The following GTF2F2 variants were observed in gnomAD, a reference collection of about 807,000 sequenced individuals.
GTF2F2 encodes general transcription factor IIF subunit 2, also known as ATP-dependent helicase GTF2F2.
Under a neutral mutation model 42.2 loss-of-function variants are expected in GTF2F2, and 23 were observed. The ratio of observed to expected loss-of-function variants is 0.55; its 90% CI spans 0.39 to 0.77. GTF2F2 has a LOEUF of 0.77. GTF2F2 is among the 30% of genes least tolerant of loss of function. The pLI is 0.00. For synonymous variants in GTF2F2, 105 were observed against 100.8 expected (o/e 1.04, Z -0.25); for missense variants, 261 against 287.2 (o/e 0.91, Z 0.66).
chr13:45,227,095 G>A (rs115098293), intron 5 of GTF2F2, among the ~76,000 whole-genome samples: 1,808 of 152,096 alleles, frequency 0.012, 31 homozygotes, highest in African/African-American at 0.037. Context: ...GTGAGACCTT[G>A]TCTCAAAAAT....
At chr13:45,182,451 A>G (rs1403829662) in intron 4 of GTF2F2, among the ~76,000 whole-genome samples, 1 of 152,112 alleles carries the variant, frequency 6.6e-6, no homozygotes, top group Admixed American at 6.5e-5. Context: ...AATAGCGTTC[A>G]AGATGCTTTG....
chr13:45,261,551 A>G lies in GTF2F2; in HGVS notation c.487-5682A>G, dbSNP rs79701902. On this transcript the variant is annotated intron_variant, in intron 6 of 7. Coordinates refer to ENST00000340473, the MANE Select transcript of GTF2F2 (RefSeq NM_004128.3). ...TTTCTGAATTGACATTTATTTCTAT[A>G]TAGTCAGTTGCGCAGTGATCTGTGA... is the stretch of plus-strand genomic sequence containing the variant. Among the ~76,000 whole-genome samples, 910 of 152,226 alleles carry G rather than the reference A, an allele frequency of 6.0e-3. 11 individuals carry two copies. The highest frequency in any genetic ancestry group is 0.021 in the African/African-American group (871 of 41,530).
In GTF2F2 at chr13:45,182,693, T is replaced by C. The variant is rs547217260; in HGVS notation, c.305-24731T>C. ...TTTCTTAGATGGTCCCATGGAAGAA[T>C]TTTTAGTTCATTTTTAGAAATCATT... On this transcript the variant is annotated intron_variant, in intron 4 of 7. Coordinates refer to ENST00000340473, the MANE Select transcript of GTF2F2 (RefSeq NM_004128.3). 5.1e-4 allele frequency among the ~76,000 whole-genome samples: 77 copies of C among 152,248 alleles called. 2 individuals are homozygous for C. Among genetic ancestry groups the C allele is most frequent in the African/African-American group, 1.8e-3 (76 of 41,506 alleles).
chr13:45,230,655 T>C (rs913560050), intron 5 of GTF2F2, among the ~76,000 whole-genome samples: 1 of 152,222 alleles, frequency 6.6e-6, no homozygotes, highest in African/African-American at 2.4e-5. Flanking sequence ...ATATTGTCCA[T>C]TTTGAGATAA....
chr13:45,262,203 C>T (rs1876370559), intron 6 of GTF2F2, among the ~76,000 whole-genome samples: 2 of 152,082 alleles, frequency 1.3e-5, no homozygotes. Flanking sequence ...CAGACCCTAT[C>T]TCTTCAAAAA....
intron 4 of GTF2F2, among the ~76,000 whole-genome samples, chr13:45,185,723 T>A (rs1045131404): frequency 7.2e-5 from 11 of 152,234 alleles, no homozygotes; most frequent in African/African-American, 2.7e-4. Context: ...TTTTATCAAT[T>A]AAAGATTGTT....
chr13:45,160,013 G>A (rs1291900025), intron 4 of GTF2F2, among the ~76,000 whole-genome samples: 1 of 152,166 alleles, frequency 6.6e-6, no homozygotes, highest in Non-Finnish European at 1.5e-5. Context: ...TGCATATGCA[G>A]TGGGACTTTC....
chr13:45,153,186 T>G (rs1346268308), intron 4 of GTF2F2, among the ~76,000 whole-genome samples: 1 of 151,378 alleles, frequency 6.6e-6, no homozygotes, highest in Non-Finnish European at 1.5e-5. Flanking sequence ...ATTTTTTTTT[T>G]TTTTTGTATT....
intron 2 of GTF2F2, among the ~76,000 whole-genome samples, chr13:45,144,493 C>CTCAGTCA (rs1323483233): frequency 8.7e-5 from 10 of 115,242 alleles, no homozygotes; most frequent in African/African-American, 3.4e-4. Flanking sequence ...CAGAGTCTCA[C>CTCAGTCA]TCAGTCACCC....
At chr13:45,143,303 T>G (rs1259835385) in intron 2 of GTF2F2, among the ~76,000 whole-genome samples, 5 of 152,162 alleles carry the variant, frequency 3.3e-5, no homozygotes, top group Admixed American at 3.3e-4. Flanking sequence ...GGGTACAAAA[T>G]GAAAACAACT....
intron 4 of GTF2F2, among the ~76,000 whole-genome samples, chr13:45,188,867 A>G (rs1029432371): frequency 1.3e-5 from 2 of 152,118 alleles, no homozygotes; most frequent in East Asian, 1.9e-4. Flanking sequence ...ACCAGCAGAC[A>G]AATTTGTGAT....
intron 6 of GTF2F2, among the ~76,000 whole-genome samples, chr13:45,254,843 G>GA (rs1324795804): frequency 6.6e-6 from 1 of 152,130 alleles, no homozygotes; most frequent in African/African-American, 2.4e-5. Context: ...GATTACCTTT[G>GA]ATACTGAGTT....
intron 4 of GTF2F2, among the ~76,000 whole-genome samples, chr13:45,181,695 G>A (rs1872175199): frequency 6.6e-6 from 1 of 152,092 alleles, no homozygotes. Context: ...AACTTACTTA[G>A]TATTATTGTC....
At chr13:45,124,119 T>C (rs1868838557) in intron 1 of GTF2F2, 1 of 717,820 alleles carries the variant, frequency 1.4e-6, no homozygotes. Flanking sequence ...TTGAGGGCAA[T>C]GCCAGCCCCA....
At chr13:45,254,895 G>A (rs924119657) in intron 6 of GTF2F2, among the ~76,000 whole-genome samples, 1 of 151,994 alleles carries the variant, frequency 6.6e-6, no homozygotes, top group Admixed American at 6.6e-5. Context: ...GGCAGAGTGC[G>A]GTGGCTCACG....
At chr13:45,154,253 G>A (rs970685143) in intron 4 of GTF2F2, among the ~76,000 whole-genome samples, 1 of 152,008 alleles carries the variant, frequency 6.6e-6, no homozygotes, top group Admixed American at 6.6e-5. Context: ...TTTTTTGAAA[G>A]CATGATTTAT....
intron 5 of GTF2F2, among the ~76,000 whole-genome samples, chr13:45,213,710 G>A (rs1873786527): frequency 6.6e-6 from 1 of 150,896 alleles, no homozygotes; most frequent in African/African-American, 2.4e-5. Context: ...AGTATTTATT[G>A]GATTGAAATA....
intron 4 of GTF2F2, among the ~76,000 whole-genome samples, chr13:45,154,908 A>G (rs1473065955): frequency 1.3e-5 from 2 of 152,202 alleles, no homozygotes; most frequent in Admixed American, 1.3e-4. Context: ...AATTGCCTGC[A>G]TGACCAAGAA....
At chr13:45,270,306 A>G (rs1020003285) in intron 7 of GTF2F2, among the ~76,000 whole-genome samples, 6 of 152,186 alleles carry the variant, frequency 3.9e-5, no homozygotes, top group Non-Finnish European at 7.3e-5. Context: ...GTATCCATTT[A>G]AAGATATATT....
Sources: gnomAD v4.1 joint callset for allele counts (sites outside exome capture counted in the v4.1 genomes callset) on GRCh38, gnomAD v4.1.1 for gene constraint, MANE v1.5 for transcripts, NCBI Gene and HGNC (gene_info 2026-07-23, HGNC 2026-07-21) for gene names.